The following ADCY8 variants were observed in gnomAD, a reference collection of about 807,000 sequenced individuals.
ADCY8 encodes the protein adenylate cyclase 8.
In ADCY8, 51 loss-of-function variants were observed where a neutral mutation model predicts 119.7. That is an observed-to-expected ratio of 0.43 (90% CI 0.34 to 0.54). ADCY8 has a LOEUF of 0.54. Among genes scored for constraint, ADCY8 ranks in the 20% least tolerant of loss-of-function variants. ADCY8 has a pLI of 0.03. For missense variants in ADCY8, 1,383 were observed against 1,598.8 expected, an observed-to-expected ratio of 0.87 and a Z score of 2.30; for synonymous variants, 665 against 651.0, an observed-to-expected ratio of 1.02 and a Z score of -0.33.
intron 4 of ADCY8, among the ~76,000 whole-genome samples, chr8:130,940,803 T>C (rs1820932678): frequency 1.3e-5 from 2 of 152,208 alleles, no homozygotes; most frequent in African/African-American, 4.8e-5. Flanking sequence ...TCCTCTTGTC[T>C]TGATGACTTT....
intron 5 of ADCY8, among the ~76,000 whole-genome samples, chr8:130,928,891 A>C (rs77068214): frequency 0.039 from 5,977 of 152,182 alleles, 376 homozygotes; most frequent in African/African-American, 0.14. Context: ...ATTTTGATAG[A>C]ATTCACAGTG....
At chr8:130,990,729 C>T (rs1822552085) in intron 1 of ADCY8, 187 bp from the exon 2 acceptor site, 3 of 608,468 alleles carry the variant, frequency 4.9e-6, no homozygotes, top group Non-Finnish European at 7.7e-6. Flanking sequence ...TTGGAGAGGG[C>T]TTCTTTCACC....
At chr8:130,863,394 T>C (rs1384559232) in intron 9 of ADCY8, among the ~76,000 whole-genome samples, 1 of 97,128 alleles carries the variant, frequency 1.0e-5, no homozygotes, top group Non-Finnish European at 2.6e-5. Flanking sequence ...TATTGGGGCC[T>C]TTTTTTTTTT....
At chr8:131,000,883 C>A (rs1477570575) in intron 1 of ADCY8, among the ~76,000 whole-genome samples, 1 of 151,976 alleles carries the variant, frequency 6.6e-6, no homozygotes, top group Non-Finnish European at 1.5e-5. Context: ...CTTTCCAGCA[C>A]AGTCTAGAAG....
In ADCY8 at chr8:130,817,249, T is replaced by G. The variant is rs1356929888; in HGVS notation, c.2755-3022A>C. Among the ~76,000 whole-genome samples, 3 of 152,192 alleles carry G rather than the reference T, an allele frequency of 2.0e-5. No individual in the cohort carries two copies. The East Asian group carries it at 5.8e-4, about 29-fold the overall frequency. The stretch of plus-strand genomic sequence containing the variant: ...AGCTGCAGATACAAGATTGATGAAG[T>G]TAAGTCAAAAGCTTGTGGTCCTCAC... On this transcript the variant is annotated intron_variant, in intron 13 of 17. Coordinates refer to ENST00000286355, the MANE Select transcript of ADCY8 (RefSeq NM_001115.3).
At chr8:130,847,342 C>A in intron 11 of ADCY8, 82 bp downstream of exon 11, 1 of 1,030,088 alleles carries the variant, frequency 9.7e-7, no homozygotes, top group Non-Finnish European at 1.5e-6. Flanking sequence ...TTCTATGGCC[C>A]TTCAGCCAGT....
At chr8:130,817,458 G>C (rs191459596) in intron 13 of ADCY8, among the ~76,000 whole-genome samples, 40 of 152,206 alleles carry the variant, frequency 2.6e-4, no homozygotes, top group Non-Finnish European at 4.9e-4. Flanking sequence ...CCAAATTTTA[G>C]GTACTTTTAA....
chr8:130,884,223 T>C (rs1036063130), intron 8 of ADCY8, among the ~76,000 whole-genome samples: 3 of 152,208 alleles, frequency 2.0e-5, no homozygotes, highest in Admixed American at 1.3e-4. Context: ...TGATGTGAAT[T>C]CATCTAAAAG....
chr8:130,860,821 T>A (rs1434080889), intron 9 of ADCY8, among the ~76,000 whole-genome samples: 2 of 152,084 alleles, frequency 1.3e-5, no homozygotes, highest in Non-Finnish European at 2.9e-5. Context: ...CCCCGGTGTG[T>A]GATGTGTCCC....
chr8:130,873,206 A>G (rs1335505467), intron 8 of ADCY8, among the ~76,000 whole-genome samples: 1 of 152,222 alleles, frequency 6.6e-6, no homozygotes, highest in East Asian at 1.9e-4. Flanking sequence ...TAGACTCTCC[A>G]TTTTGACTGT....
intron 5 of ADCY8, among the ~76,000 whole-genome samples, chr8:130,917,883 C>A (rs1820178292): frequency 6.6e-6 from 1 of 151,924 alleles, no homozygotes; most frequent in African/African-American, 2.4e-5. Context: ...ATTTCCTTTT[C>A]CAACGTGCCC....
intron 2 of ADCY8, among the ~76,000 whole-genome samples, chr8:130,964,986 C>G (rs1338836550): frequency 6.6e-6 from 1 of 152,062 alleles, no homozygotes; most frequent in Non-Finnish European, 1.5e-5. Context: ...TGAGAGGTGT[C>G]TGTTCATGTC....
At chr8:130,808,456 ACG>A (rs1219817695) in intron 14 of ADCY8, among the ~76,000 whole-genome samples, 2 of 152,248 alleles carry the variant, frequency 1.3e-5, no homozygotes, top group Non-Finnish European at 2.9e-5. Context: ...AGGCTTGATA[ACG>A]CATGTAAATG....
rs993764645 is a variant in ADCY8 at position 131,040,129 on chromosome 8, A to G, written c.205T>C (p.Ser69Pro). The G allele has an allele frequency of 1.3e-6, 2 of 1,531,730 alleles. No homozygotes were observed. Among genetic ancestry groups the G allele is most frequent in the East Asian group, 4.9e-5 (2 of 40,826 alleles). The allele number at this position is 1,531,730 out of a possible 1,614,324, so 94.9% of individuals were successfully genotyped here. A position where few individuals can be genotyped will look rare whatever the true frequency, so the allele number is the denominator to read the frequency against. Residue 69 changes from serine to proline, a missense_variant, in exon 1 of 18, where the codon TCG becomes CCG. Around this residue, in one of 2 missense-constraint regions of ADCY8, gnomAD observed 455 missense variants for 435.3 expected, o/e 1.05. Coordinates refer to ENST00000286355, the MANE Select transcript of ADCY8 (RefSeq NM_001115.3). ...GSGSGGSGKA[S>P]DPAGGGPNHH... ...TTGGGGCCGCCGCCCGCAGGGTCCGAGGCTTTGCCCGAGCCTCCACTCCCG... is the reference window on the plus strand; with the variant it reads ...TTGGGGCCGCCGCCCGCAGGGTCCGGGGCTTTGCCCGAGCCTCCACTCCCG...
At chr8:130,846,885 CCCTTTCCTTCCTTCCTT>C (rs1299395614) in intron 11 of ADCY8, among the ~76,000 whole-genome samples, 13 of 17,666 alleles carry the variant, frequency 7.4e-4, no homozygotes, top group African/African-American at 1.6e-3. Context: ...CCCTTCCCTT[CCCTTTCCTTCCTTCCTT>C]CCTTCCTTCC....
At chr8:130,818,749 G>A (rs1218930852) in intron 13 of ADCY8, among the ~76,000 whole-genome samples, 1 of 152,176 alleles carries the variant, frequency 6.6e-6, no homozygotes, top group East Asian at 1.9e-4. Context: ...CGATGCTGCA[G>A]ATAGAAGACA....
chr8:130,978,260 A>T (rs1472479668), intron 2 of ADCY8, among the ~76,000 whole-genome samples: 2 of 152,232 alleles, frequency 1.3e-5, no homozygotes, highest in African/African-American at 4.8e-5. Context: ...AAATATTTAC[A>T]TCCCTGTAAT....
chr8:130,930,255 AT>A (rs754342584), intron 5 of ADCY8, among the ~76,000 whole-genome samples: 502 of 141,548 alleles, frequency 3.5e-3, no homozygotes, highest in African/African-American at 5.9e-3. Flanking sequence ...CTTCTTCTAC[AT>A]TTTTTTTTTT....
At chr8:130,862,003 A>C (rs1326635224) in intron 9 of ADCY8, among the ~76,000 whole-genome samples, 1 of 152,164 alleles carries the variant, frequency 6.6e-6, no homozygotes, top group Non-Finnish European at 1.5e-5. Flanking sequence ...ATGTTGAATA[A>C]ACTTTATATA....
Sources: gnomAD v4.1 joint callset for allele counts (sites outside exome capture counted in the v4.1 genomes callset) on GRCh38, gnomAD v4.1.1 for gene constraint, gnomAD v4.1.1 regional missense constraint, MANE v1.5 for transcripts, NCBI Gene and HGNC (gene_info 2026-07-23, HGNC 2026-07-21) for gene names.